The following DENND2B variants were observed in gnomAD, a reference collection of about 807,000 sequenced individuals.
DENND2B encodes the protein DENN domain containing 2B, also known as DENN domain-containing protein 2B.
Under a neutral mutation model 116.0 loss-of-function variants are expected in DENND2B, and 32 were observed. That is an observed-to-expected ratio of 0.28 (90% CI 0.21 to 0.37). DENND2B has a LOEUF of 0.37. Among genes scored for constraint, DENND2B ranks in the 10% least tolerant of loss-of-function variants. DENND2B has a pLI of 1.00. For missense variants in DENND2B, 1,276 were observed against 1,477.7 expected, an observed-to-expected ratio of 0.86 and a Z score of 2.24; for synonymous variants, 588 against 583.9, an observed-to-expected ratio of 1.01 and a Z score of -0.10.
intron 2 of DENND2B, chr11:8,877,469 T>G (rs2134722290): frequency 6.6e-6 from 1 of 152,114 alleles, no homozygotes; most frequent in Non-Finnish European, 1.5e-5. Flanking sequence ...AAGAAATCTG[T>G]AACTGGTTGT....
At chr11:8,875,874 C>A (rs2063835667), upstream of DENND2B, among the ~76,000 whole-genome samples, 1 of 152,044 alleles carries the variant, frequency 6.6e-6, no homozygotes, top group African/African-American at 2.4e-5. Context: ...GGTGCAAAAC[C>A]AATATTCCTT....
At chr11:8,851,083 G>A (rs1459277447) in intron 3 of DENND2B, among the ~76,000 whole-genome samples, 1 of 151,880 alleles carries the variant, frequency 6.6e-6, no homozygotes, top group Admixed American at 6.6e-5. Flanking sequence ...AGAGATAGGA[G>A]GAATAAATAA....
At chr11:8,849,114 C>A (rs886110833) in intron 3 of DENND2B, among the ~76,000 whole-genome samples, 1 of 152,028 alleles carries the variant, frequency 6.6e-6, no homozygotes, top group Non-Finnish European at 1.5e-5. Flanking sequence ...CCCATGGACC[C>A]CCAAGGGTTG....
chr11:8,780,028 C>T (rs762143892), intron 1 of DENND2B, among the ~76,000 whole-genome samples: 1 of 152,210 alleles, frequency 6.6e-6, no homozygotes, highest in Admixed American at 6.5e-5. Context: ...AGCTGTGAGT[C>T]TGATTCTTTT....
upstream of DENND2B, among the ~76,000 whole-genome samples, chr11:8,812,208 T>G (rs899579623): frequency 1.3e-5 from 2 of 152,234 alleles, no homozygotes; most frequent in African/African-American, 2.4e-5. Context: ...GTCAACTTTT[T>G]GATAACTGGT....
upstream of DENND2B, among the ~76,000 whole-genome samples, chr11:8,874,057 A>G (rs2063818875): frequency 6.6e-6 from 1 of 152,236 alleles, no homozygotes; most frequent in African/African-American, 2.4e-5. Context: ...ATTCAGTCCC[A>G]TCAACACAGA....
At chr11:8,860,219 G>T (rs1368443074) in intron 2 of DENND2B, among the ~76,000 whole-genome samples, 3 of 151,926 alleles carry the variant, frequency 2.0e-5, no homozygotes, top group Non-Finnish European at 4.4e-5. Context: ...GAAATAAAGG[G>T]CATCCAAATT....
chr11:8,703,436 G>C (rs1242349591), intron 13 of DENND2B: 1 of 152,434 alleles, frequency 6.6e-6, no homozygotes, highest in African/African-American at 2.4e-5. Flanking sequence ...AGCTCAGAGA[G>C]CCACTTCTCT....
At chr11:8,705,173 C>G (rs776262541) in intron 13 of DENND2B, among the ~76,000 whole-genome samples, 1 of 152,192 alleles carries the variant, frequency 6.6e-6, no homozygotes, top group African/African-American at 2.4e-5. Context: ...ACCTCTTCCT[C>G]TGGCAGCCAT....
intron 1 of DENND2B, among the ~76,000 whole-genome samples, chr11:8,789,904 A>G (rs2059235220): frequency 6.6e-6 from 1 of 152,166 alleles, no homozygotes. Context: ...CCCGAGCAAC[A>G]ACCCCAGAAC....
At chr11:8,892,329 T>A (rs1185863247) in intron 1 of DENND2B, among the ~76,000 whole-genome samples, 1 of 151,752 alleles carries the variant, frequency 6.6e-6, no homozygotes, top group African/African-American at 2.4e-5. Flanking sequence ...ACATCACAAT[T>A]AAAAGAACTA....
At chr11:8,770,670 C>T (rs1016876212) in intron 1 of DENND2B, among the ~76,000 whole-genome samples, 3 of 152,216 alleles carry the variant, frequency 2.0e-5, no homozygotes, top group African/African-American at 7.2e-5. Context: ...ACTCACTGGG[C>T]TTTTTTTCTT....
chr11:8,861,363 G>C (rs1329368431), intron 2 of DENND2B, among the ~76,000 whole-genome samples: 1 of 151,870 alleles, frequency 6.6e-6, no homozygotes, highest in Admixed American at 6.6e-5. Context: ...CAAAAACCGA[G>C]CAAATGATAT....
At chr11:8,758,308 A>G (rs1380378776) in intron 1 of DENND2B, among the ~76,000 whole-genome samples, 1 of 152,032 alleles carries the variant, frequency 6.6e-6, no homozygotes, top group Non-Finnish European at 1.5e-5. Flanking sequence ...CTTCCACCAC[A>G]CAGAGAACCA....
At position 8,693,925 on chromosome 11, in the gene DENND2B, G is replaced by C. The variant is rs1056179794; in HGVS notation, c.*171C>G. 1 of 608,226 alleles carries C rather than the reference G, an allele frequency of 1.6e-6. No homozygotes were observed. The highest frequency in any genetic ancestry group is 1.9e-5 in the African/African-American group (1 of 53,842). The allele number at this position is 608,226 out of a possible 1,614,324, so 37.7% of individuals were successfully genotyped here. ...AAAACAGTTAAGAAAGCTTACAGCA[G>C]ATTATTTACAAACAGTATCCTGGGA... On this transcript the variant is annotated 3_prime_UTR_variant, in exon 20 of 20. Coordinates refer to ENST00000313726, the MANE Select transcript of DENND2B (RefSeq NM_213618.2).
chr11:8,776,798 C>G (rs2057786652), intron 1 of DENND2B: 1 of 157,142 alleles, frequency 6.4e-6, no homozygotes, highest in Admixed American at 6.0e-5. Flanking sequence ...CCATGGTCAA[C>G]TACCTCTCCT....
At chr11:8,758,900 C>A (rs1416159879) in intron 1 of DENND2B, among the ~76,000 whole-genome samples, 1 of 152,224 alleles carries the variant, frequency 6.6e-6, no homozygotes, top group Non-Finnish European at 1.5e-5. Context: ...AACAGCCACA[C>A]AAAACCTCCT....
chr11:8,809,139 G>C (rs2061150790), intron 1 of DENND2B: 1 of 152,224 alleles, frequency 6.6e-6, no homozygotes, highest in Non-Finnish European at 1.5e-5. Flanking sequence ...TGTAGCAAGA[G>C]GAATAACTTC....
At chr11:8,792,203 T>TCA (rs1031032960) in intron 1 of DENND2B, among the ~76,000 whole-genome samples, 66 of 151,836 alleles carry the variant, frequency 4.3e-4, no homozygotes, top group Middle Eastern at 3.4e-3. Context: ...AGACGCTATC[T>TCA]CACACACACA....
Sources: gnomAD v4.1 joint callset for allele counts (sites outside exome capture counted in the v4.1 genomes callset) on GRCh38, gnomAD v4.1.1 for gene constraint, MANE v1.5 for transcripts, NCBI Gene and HGNC (gene_info 2026-07-23, HGNC 2026-07-21) for gene names.